The following AFG2A variants were observed in gnomAD, a reference collection of about 807,000 sequenced individuals.
AFG2A encodes ATPase family gene 2 protein homolog A.
the AFG2A span, among the ~76,000 whole-genome samples, chr4:123,046,294 C>G: frequency 6.6e-6 from 1 of 152,048 alleles, no homozygotes; most frequent in Non-Finnish European, 1.5e-5. Context: ...TTTGTGTGCT[C>G]TTGGCATTAA....
At chr4:123,060,115 G>T in the AFG2A span, among the ~76,000 whole-genome samples, 1 of 152,252 alleles carries the variant, frequency 6.6e-6, no homozygotes, top group East Asian at 1.9e-4. Context: ...CATGGTCTTG[G>T]GCAGCTCTGC....
the AFG2A span, among the ~76,000 whole-genome samples, chr4:123,087,206 G>T: frequency 7.2e-5 from 11 of 152,266 alleles, no homozygotes; most frequent in South Asian, 1.9e-3. Flanking sequence ...TAAGGTGTTG[G>T]GGGGAGTATG....
the AFG2A span, among the ~76,000 whole-genome samples, chr4:123,198,960 T>G: frequency 2.0e-5 from 3 of 152,156 alleles, no homozygotes; most frequent in African/African-American, 7.2e-5. Context: ...AACATAAAAT[T>G]AATACTGGCA....
the AFG2A span, among the ~76,000 whole-genome samples, chr4:123,286,979 C>T: frequency 6.6e-6 from 1 of 152,054 alleles, no homozygotes; most frequent in Non-Finnish European, 1.5e-5. Context: ...TATGGATCAC[C>T]AGTTTTGCAG....
chr4:123,082,869 T>G, the AFG2A span, among the ~76,000 whole-genome samples: 1 of 152,112 alleles, frequency 6.6e-6, no homozygotes, highest in Non-Finnish European at 1.5e-5. Context: ...TTTTTTCTCA[T>G]ATAGATTTTG....
At chr4:123,169,001 G>C in the AFG2A span, among the ~76,000 whole-genome samples, 1 of 152,180 alleles carries the variant, frequency 6.6e-6, no homozygotes, top group Admixed American at 6.5e-5. Flanking sequence ...TGTCTGTCCT[G>C]AGTTGGTAAA....
chr4:123,224,258 C>A, the AFG2A span, among the ~76,000 whole-genome samples: 3 of 151,886 alleles, frequency 2.0e-5, no homozygotes, highest in African/African-American at 7.3e-5. Context: ...ATGTGCACAA[C>A]GTGCAGGTTT....
At chr4:123,086,608 C>T in the AFG2A span, among the ~76,000 whole-genome samples, 1 of 152,188 alleles carries the variant, frequency 6.6e-6, no homozygotes, top group East Asian at 1.9e-4. Context: ...TATTGGTTCT[C>T]TTCTTTCTTC....
the AFG2A span, among the ~76,000 whole-genome samples, chr4:123,109,598 A>G: frequency 2.0e-5 from 3 of 152,166 alleles, no homozygotes; most frequent in Admixed American, 1.3e-4. Context: ...CAATCATCTG[A>G]CACTGTAGGT....
the AFG2A span, among the ~76,000 whole-genome samples, chr4:123,025,347 G>A: frequency 6.6e-6 from 1 of 152,252 alleles, no homozygotes; most frequent in African/African-American, 2.4e-5. Flanking sequence ...ATTTGATTTG[G>A]TTTATCACAT....
chr4:122,966,753 A>G, the AFG2A span, among the ~76,000 whole-genome samples: 1 of 152,182 alleles, frequency 6.6e-6, no homozygotes, highest in Non-Finnish European at 1.5e-5. Context: ...TCCATGTCAC[A>G]GTACTTGGCA....
At chr4:123,102,911 A>G in the AFG2A span, among the ~76,000 whole-genome samples, 5 of 151,766 alleles carry the variant, frequency 3.3e-5, no homozygotes, top group Non-Finnish European at 5.9e-5. Flanking sequence ...ATCTAGCTTG[A>G]AATTTTAATG....
the AFG2A span, among the ~76,000 whole-genome samples, chr4:123,176,933 T>C: frequency 6.6e-6 from 1 of 152,182 alleles, no homozygotes; most frequent in African/African-American, 2.4e-5. Flanking sequence ...GCTGTTGTAA[T>C]GATAGCATGT....
At chr4:123,262,848 T>C in the AFG2A span, among the ~76,000 whole-genome samples, 1 of 152,204 alleles carries the variant, frequency 6.6e-6, no homozygotes, top group Admixed American at 6.5e-5. Flanking sequence ...CAGAATGCTA[T>C]AGGAGAAAGG....
the AFG2A span, among the ~76,000 whole-genome samples, chr4:123,026,383 A>G: frequency 1.3e-5 from 2 of 152,206 alleles, no homozygotes; most frequent in Admixed American, 6.5e-5. Flanking sequence ...TCAGCTGTAC[A>G]CATTTTTAAA....
At chr4:123,200,568 G>A in the AFG2A span, among the ~76,000 whole-genome samples, 2 of 152,216 alleles carry the variant, frequency 1.3e-5, no homozygotes, top group East Asian at 3.8e-4. Flanking sequence ...GCTCGGTGGA[G>A]AGTGCTCCTA....
chr4:123,097,982 CATAA>C, the AFG2A span, among the ~76,000 whole-genome samples: 9 of 152,074 alleles, frequency 5.9e-5, no homozygotes, highest in East Asian at 1.2e-3. Flanking sequence ...TTTCAGTCCT[CATAA>C]ATAAAGCTTT....
chr4:123,234,575 G>A, the AFG2A span, among the ~76,000 whole-genome samples: 1,758 of 152,166 alleles, frequency 0.012, 46 homozygotes, highest in African/African-American at 0.041. Context: ...AGTAAATACA[G>A]GAGTTTAGAA....
chr4:123,222,422 A>G, the AFG2A span, among the ~76,000 whole-genome samples: 15 of 152,180 alleles, frequency 9.9e-5, no homozygotes, highest in Non-Finnish European at 1.5e-4. Context: ...CTGATGAAAA[A>G]TGTACTTCTT....
Sources: gnomAD v4.1 joint callset for allele counts (sites outside exome capture counted in the v4.1 genomes callset) on GRCh38, gnomAD v4.1.1 for gene constraint, MANE v1.5 for transcripts, NCBI Gene and HGNC (gene_info 2026-07-23, HGNC 2026-07-21) for gene names.